Variants in RFX3 observed in about 807,000 individuals in gnomAD.
RFX3 encodes the protein regulatory factor X3, also known as transcription factor RFX3.
Under a neutral mutation model 98.6 loss-of-function variants are expected in RFX3, and 14 were observed. The observed-to-expected ratio is 0.14, with a 90% CI of 0.09 to 0.22. The LOEUF (loss-of-function observed/expected upper bound fraction) is 0.22. Among genes scored for constraint, RFX3 ranks in the 10% least tolerant of loss-of-function variants. The probability of loss-of-function intolerance (pLI) is 1.00; values close to 1 mark genes in which losing one functional copy is unlikely to be tolerated. For missense variants in RFX3, 639 were observed against 926.9 expected, an observed-to-expected ratio of 0.69 and a Z score of 4.03; for synonymous variants, 383 against 328.4, an observed-to-expected ratio of 1.17 and a Z score of -1.80.
chr9:3,369,503 A>C (rs1245509668), intron 2 of RFX3, among the ~76,000 whole-genome samples: 1 of 152,180 alleles, frequency 6.6e-6, no homozygotes, highest in Non-Finnish European at 1.5e-5. Context: ...TTTCCAAATA[A>C]AGGAGTTCTA....
intron 1 of RFX3, among the ~76,000 whole-genome samples, chr9:3,513,437 G>A (rs1358412660): frequency 6.6e-6 from 1 of 152,084 alleles, no homozygotes; most frequent in African/African-American, 2.4e-5. Flanking sequence ...CATTCCTTCA[G>A]ATTAAGGTGT....
chr9:3,332,789 G>A (rs1832746178), intron 3 of RFX3, among the ~76,000 whole-genome samples: 2 of 152,116 alleles, frequency 1.3e-5, no homozygotes, highest in Admixed American at 6.5e-5. Context: ...TCCTGACAAA[G>A]TGCCATTTTC....
In RFX3 at chr9:3,319,355, CT is replaced by C. The variant is rs916296364; in HGVS notation, c.474+10903del. On this transcript the variant is annotated intron_variant, in intron 4 of 16. Transcript: ENST00000617270. The stretch of plus-strand genomic sequence containing the variant: ...GAAAACAGTTTCACTAAAACATGAT[CT>C]TTTTTTTTTTCATTGCCAGAGTCAG... 1.6e-3 allele frequency among the ~76,000 whole-genome samples: 239 copies of C among 147,610 alleles called. 1 individual carries two copies. Among genetic ancestry groups the C allele is most frequent in the African/African-American group, 5.4e-3 (216 of 40,344 alleles).
At chr9:3,475,451 A>G (rs10124613) in intron 1 of RFX3, among the ~76,000 whole-genome samples, 19,187 of 151,970 alleles carry the variant, frequency 0.13, 2,156 homozygotes, top group East Asian at 0.57. Context: ...ATGATTGACA[A>G]GGTCACATGA....
At position 3,292,061 on chromosome 9, in the gene RFX3, C is replaced by CAAA. The variant is rs58788880; in HGVS notation, c.731+1013_731+1015dup. Among the ~76,000 whole-genome samples the CAAA allele has an allele frequency of 3.0e-3, 71 of 23,946 alleles. 16 individuals carry two copies. Among genetic ancestry groups the CAAA allele is most frequent in the African/African-American group, 7.0e-3 (50 of 7,108 alleles). 15.7% of individuals were successfully genotyped at this position (23,946 alleles called of 152,430 possible). On this transcript the variant is annotated intron_variant, in intron 6 of 16. Coordinates refer to ENST00000617270, the MANE Select transcript of RFX3 (RefSeq NM_001282116.2). The stretch of plus-strand genomic sequence containing the variant: ...ACAGAAACAGAGTGAGACTCCATCT[C>CAAA]AAAAAAAAAAAAAAAAAAAAAAAAA...
At chr9:3,307,773 G>A (rs1276797223) in intron 4 of RFX3, among the ~76,000 whole-genome samples, 1 of 152,174 alleles carries the variant, frequency 6.6e-6, no homozygotes, top group Non-Finnish European at 1.5e-5. Flanking sequence ...AATTTCAACT[G>A]TAGTGCAAAG....
chr9:3,503,698 G>A (rs778207624), intron 1 of RFX3, among the ~76,000 whole-genome samples: 68 of 152,086 alleles, frequency 4.5e-4, no homozygotes, highest in Admixed American at 1.3e-4. Context: ...TGCCTTTTAT[G>A]TCTTTTTACA....
chr9:3,405,303 G>A (rs1297245289), intron 1 of RFX3, among the ~76,000 whole-genome samples: 1 of 152,112 alleles, frequency 6.6e-6, no homozygotes, highest in Non-Finnish European at 1.5e-5. Flanking sequence ...GTTTTAAAGA[G>A]TTTAGCCACT....
chr9:3,262,266 A>T (rs867028272), intron 13 of RFX3, among the ~76,000 whole-genome samples: 3 of 152,174 alleles, frequency 2.0e-5, no homozygotes, highest in Middle Eastern at 3.2e-3. Context: ...GTATTTATTG[A>T]TATTGAAACT....
intron 4 of RFX3, among the ~76,000 whole-genome samples, chr9:3,303,099 C>G (rs1373233115): frequency 6.6e-6 from 1 of 151,774 alleles, no homozygotes; most frequent in African/African-American, 2.4e-5. Context: ...CTAAGAAACA[C>G]AGGCTTCTAG....
At chr9:3,433,543 G>T (rs1404384431) in intron 1 of RFX3, among the ~76,000 whole-genome samples, 1 of 152,168 alleles carries the variant, frequency 6.6e-6, no homozygotes, top group Non-Finnish European at 1.5e-5. Flanking sequence ...AGTTCTGAGG[G>T]AGTCAAAAGT....
intron 5 of RFX3, among the ~76,000 whole-genome samples, chr9:3,293,674 T>C (rs1474435881): frequency 6.6e-6 from 1 of 152,174 alleles, no homozygotes; most frequent in Non-Finnish European, 1.5e-5. Flanking sequence ...AGTGTTGGCT[T>C]ATTATAACAT....
chr9:3,451,061 T>C (rs549090095), intron 1 of RFX3, among the ~76,000 whole-genome samples: 1 of 152,170 alleles, frequency 6.6e-6, no homozygotes, highest in Admixed American at 6.5e-5. Context: ...TGGAGCATCC[T>C]GCAGTGTAGG....
intron 2 of RFX3, among the ~76,000 whole-genome samples, chr9:3,382,797 T>C (rs7864634): frequency 0.028 from 4,220 of 152,218 alleles, 207 homozygotes; most frequent in African/African-American, 0.098. Context: ...GTAGAGAAAA[T>C]TAGGCAAAAC....
intron 14 of RFX3, among the ~76,000 whole-genome samples, chr9:3,249,709 C>T (rs944667362): frequency 3.3e-5 from 5 of 151,894 alleles, no homozygotes; most frequent in Non-Finnish European, 7.4e-5. Flanking sequence ...TACACAGACC[C>T]GGGTTACCAC....
chr9:3,524,510 T>C (rs1349209809), intron 1 of RFX3: 1 of 983,190 alleles, frequency 1.0e-6, no homozygotes, highest in East Asian at 1.1e-4. Context: ...ATACATTCTT[T>C]ATGAACTTGA....
At chr9:3,469,488 G>C (rs185269739) in intron 1 of RFX3, among the ~76,000 whole-genome samples, 1 of 152,064 alleles carries the variant, frequency 6.6e-6, no homozygotes, top group East Asian at 1.9e-4. Flanking sequence ...CTCAATACTG[G>C]GTTCTAAAAA....
At chr9:3,494,444 C>G (rs1452774661) in intron 1 of RFX3, among the ~76,000 whole-genome samples, 3 of 152,106 alleles carry the variant, frequency 2.0e-5, no homozygotes, top group East Asian at 3.9e-4. Flanking sequence ...TTTGTGATTT[C>G]TACTAATTTC....
At chr9:3,429,234 A>T (rs976008736) in intron 1 of RFX3, among the ~76,000 whole-genome samples, 3 of 150,760 alleles carry the variant, frequency 2.0e-5, no homozygotes, top group Middle Eastern at 3.4e-3. Flanking sequence ...GTGTTAGCCA[A>T]GATGGTCTCG....
Sources: gnomAD v4.1 joint callset for allele counts (sites outside exome capture counted in the v4.1 genomes callset) on GRCh38, gnomAD v4.1.1 for gene constraint, MANE v1.5 for transcripts, NCBI Gene and HGNC (gene_info 2026-07-23, HGNC 2026-07-21) for gene names.